RALGAPA1: variants seen among roughly 807,000 people sequenced by gnomAD.
The protein encoded by RALGAPA1 is ral GTPase-activating protein subunit alpha-1.
RALGAPA1 carries 52 observed loss-of-function variants against 269.6 expected under a neutral mutation model. The observed-to-expected ratio is 0.19, with a 90% CI of 0.15 to 0.24. The LOEUF (loss-of-function observed/expected upper bound fraction) is 0.24, where lower values mean the gene tolerates loss of function less well. Among genes scored for constraint, RALGAPA1 ranks in the 10% least tolerant of loss-of-function variants. The pLI is 1.00. For missense variants in RALGAPA1, 1,917 were observed against 3,013.9 expected (o/e 0.64, Z 8.52); for synonymous variants, 817 against 1,008.3 (o/e 0.81, Z 3.60).
At chr14:35,585,387 A>C (rs1398581472) in intron 37 of RALGAPA1, among the ~76,000 whole-genome samples, 1 of 152,226 alleles carries the variant, frequency 6.6e-6, no homozygotes. Context: ...TTAAAAACAC[A>C]TGGGTCAAAT....
intron 10 of RALGAPA1, among the ~76,000 whole-genome samples, chr14:35,744,401 T>G (rs2071856318): frequency 6.6e-6 from 1 of 151,746 alleles, no homozygotes; most frequent in Non-Finnish European, 1.5e-5. Context: ...AAATTGCTTT[T>G]ACTTTTTATT....
intron 16 of RALGAPA1, among the ~76,000 whole-genome samples, chr14:35,716,587 C>T (rs1184273065): frequency 1.3e-5 from 2 of 151,926 alleles, no homozygotes; most frequent in Non-Finnish European, 2.9e-5. Flanking sequence ...TCCATAATAT[C>T]ATCTGATATT....
intron 36 of RALGAPA1, among the ~76,000 whole-genome samples, chr14:35,602,517 G>A (rs1305668514): frequency 1.3e-5 from 2 of 152,156 alleles, no homozygotes; most frequent in African/African-American, 4.8e-5. Context: ...CTTAATGGGT[G>A]TGAAATGATA....
chr14:35,759,911 C>CA (rs34611097), intron 6 of RALGAPA1, among the ~76,000 whole-genome samples: 4,976 of 93,126 alleles, frequency 0.053, 127 homozygotes, highest in Middle Eastern at 0.09. Context: ...GATTCTATCT[C>CA]AAAAAAAAAA....
intron 37 of RALGAPA1, among the ~76,000 whole-genome samples, chr14:35,592,867 T>G (rs2058719312): frequency 1.3e-5 from 2 of 152,086 alleles, no homozygotes; most frequent in Admixed American, 1.3e-4. Flanking sequence ...ACAATAAAGG[T>G]AACTTATGAA....
intron 41 of RALGAPA1, chr14:35,542,115 T>A (rs1271274965): frequency 7.2e-6 from 5 of 693,376 alleles, no homozygotes; most frequent in African/African-American, 5.6e-5. Context: ...TTTAAAGTGT[T>A]CACTGTACTG....
chr14:35,624,504 G>C (rs1402337384), intron 35 of RALGAPA1, among the ~76,000 whole-genome samples: 1 of 151,752 alleles, frequency 6.6e-6, no homozygotes, highest in African/African-American at 2.4e-5. Context: ...TTTATTAAGA[G>C]GAACACGAAG....
At chr14:35,716,817 G>T (rs941482310) in intron 16 of RALGAPA1, among the ~76,000 whole-genome samples, 1 of 152,014 alleles carries the variant, frequency 6.6e-6, no homozygotes, top group Non-Finnish European at 1.5e-5. Flanking sequence ...TTCTCTTGGG[G>T]TCATTTAATT....
chr14:35,654,725 T>C (rs1424694742), intron 29 of RALGAPA1, among the ~76,000 whole-genome samples: 3 of 152,232 alleles, frequency 2.0e-5, no homozygotes, highest in African/African-American at 7.2e-5. Flanking sequence ...TTCTCTTATG[T>C]GGATTTATGC....
At chr14:35,629,265 T>C (rs2061176347) in intron 33 of RALGAPA1, among the ~76,000 whole-genome samples, 1 of 141,988 alleles carries the variant, frequency 7.0e-6, no homozygotes, top group Admixed American at 7.4e-5. Flanking sequence ...TAGTCATTCA[T>C]GTTAGGATGT....
At chr14:35,553,521 G>T (rs527699388) in intron 39 of RALGAPA1, among the ~76,000 whole-genome samples, 24 of 152,114 alleles carry the variant, frequency 1.6e-4, no homozygotes, top group Non-Finnish European at 3.1e-4. Context: ...ATTGTGAACT[G>T]CTTGTAATGT....
intron 5 of RALGAPA1, among the ~76,000 whole-genome samples, chr14:35,762,275 A>T (rs188322270): frequency 1.7e-3 from 261 of 152,150 alleles, no homozygotes; most frequent in African/African-American, 5.5e-3. Context: ...TTTGTTTTTA[A>T]GATACAGTCT....
chr14:35,577,738 T>C (rs2057673260), intron 37 of RALGAPA1, among the ~76,000 whole-genome samples: 1 of 152,204 alleles, frequency 6.6e-6, no homozygotes, highest in Admixed American at 6.5e-5. Flanking sequence ...CTAGAATTCT[T>C]ATAAAGTAAC....
rs150988809 is a variant in RALGAPA1, at chr14:35,720,508, T to C, written c.2266+1180A>G. Among the ~76,000 whole-genome samples the C allele has an allele frequency of 2.0e-4, 30 of 152,378 alleles. No homozygotes were observed. The East Asian group carries it at 5.8e-3, about 29-fold the overall frequency. On this transcript the variant is annotated intron_variant, in intron 16 of 41. Coordinates refer to ENST00000680220, the MANE Select transcript of RALGAPA1 (RefSeq NM_001346249.2). ...TTCACTGATTACCATTAAATACGGA[T>C]ACATTCCCATGGAAAATTCTCTTTT...
intron 1 of RALGAPA1, among the ~76,000 whole-genome samples, chr14:35,780,820 G>A (rs560337779): frequency 1.3e-4 from 20 of 152,176 alleles, no homozygotes; most frequent in African/African-American, 3.9e-4. Flanking sequence ...GGCTGGGTGC[G>A]TTGGTTCACG....
At chr14:35,591,051 G>A (rs1341538015) in intron 37 of RALGAPA1, among the ~76,000 whole-genome samples, 2 of 152,166 alleles carry the variant, frequency 1.3e-5, no homozygotes, top group Non-Finnish European at 2.9e-5. Flanking sequence ...CCAAATATGA[G>A]TTGAATACAT....
intron 31 of RALGAPA1, among the ~76,000 whole-genome samples, chr14:35,650,198 C>T (rs548890025): frequency 6.6e-6 from 1 of 151,518 alleles, no homozygotes; most frequent in Non-Finnish European, 1.5e-5. Context: ...ATGATGAGAC[C>T]CCCCCGCCCC....
chr14:35,689,310 G>T lies in RALGAPA1; in HGVS notation c.3101C>A (p.Ser1034Tyr). Residue 1034 changes from serine (S) to tyrosine (Y), a missense_variant, in exon 18 of 42, where the codon TCT becomes TAT. Around this residue, in one of 11 missense-constraint regions of RALGAPA1, gnomAD observed 615 missense variants for 790.0 expected, o/e 0.78. Coordinates refer to ENST00000680220, the MANE Select transcript of RALGAPA1 (RefSeq NM_001346249.2). ...QSDSFFRTQTSEKSKQLNTDK... is the reference protein window; with the variant it reads ...QSDSFFRTQTYEKSKQLNTDK... ...AGTGTTTAGTTGCTTAGATTTTTCA[G>T]AAGTTTGTGTTCTAAAAAAACTGTC... 1.6e-6 allele frequency: 2 copies of T among 1,232,128 alleles called. No individual in the cohort carries two copies. Among genetic ancestry groups the T allele is most frequent in the Non-Finnish European group, 2.0e-6 (2 of 988,024 alleles). The allele number at this position is 1,232,128 out of a possible 1,614,324, so 76.3% of individuals were successfully genotyped here. A position where few individuals can be genotyped will look rare whatever the true frequency, so the allele number is the denominator to read the frequency against.
chr14:35,734,034 A>T (rs1226273931), intron 12 of RALGAPA1, among the ~76,000 whole-genome samples: 2 of 152,178 alleles, frequency 1.3e-5, no homozygotes, highest in Non-Finnish European at 2.9e-5. Flanking sequence ...ACTACGAAAC[A>T]CTGCTGAAAG....
Sources: allele counts gnomAD v4.1 joint callset (sites outside exome capture counted in the v4.1 genomes callset), GRCh38; gene constraint gnomAD v4.1.1; regional missense constraint gnomAD v4.1.1; transcripts MANE v1.5; gene names NCBI Gene and HGNC (gene_info 2026-07-23, HGNC 2026-07-21).